Variants in MGME1 observed in about 807,000 individuals in gnomAD.
The protein encoded by MGME1 is chromosome 20 open reading frame 72.
A neutral mutation model predicts 33.0 loss-of-function variants in MGME1; 22 were observed. That is an observed-to-expected ratio of 0.67 (90% CI 0.48 to 0.95). The LOEUF is 0.95. MGME1 is among the 40% of genes least tolerant of loss of function. The pLI is 0.00. For synonymous variants in MGME1, 133 were observed against 144.0 expected (o/e 0.92, Z 0.55); for missense variants, 383 against 397.8 (o/e 0.96, Z 0.32).
At chr20:17,989,037 C>T (rs2036225030) in intron 4 of MGME1, among the ~76,000 whole-genome samples, 1 of 151,640 alleles carries the variant, frequency 6.6e-6, no homozygotes, top group African/African-American at 2.4e-5. Flanking sequence ...TCCAGTGAGC[C>T]GAGATTGTAC....
intron 2 of MGME1, among the ~76,000 whole-genome samples, chr20:17,973,426 T>TTGC (rs1317095823): frequency 5.9e-5 from 9 of 152,142 alleles, no homozygotes; most frequent in African/African-American, 2.2e-4. Flanking sequence ...GGTGGGACGA[T>TTGC]TGCTTGAGGC....
At chr20:17,988,140 A>G (rs776995556) in intron 3 of MGME1, 26 bp from the exon 4 acceptor site, 7 of 1,597,290 alleles carry the variant, frequency 4.4e-6, no homozygotes, top group African/African-American at 2.7e-5. Flanking sequence ...TATTACCTAC[A>G]AAGTCTTCCT....
intron 3 of MGME1, among the ~76,000 whole-genome samples, chr20:17,977,376 A>G (rs2035895347): frequency 6.7e-6 from 1 of 149,102 alleles, no homozygotes; most frequent in African/African-American, 2.4e-5. Context: ...CTCTGTCTCA[A>G]AAAAAAAAAA....
chr20:17,987,577 G>A (rs1201013891), intron 3 of MGME1, among the ~76,000 whole-genome samples: 3 of 151,476 alleles, frequency 2.0e-5, no homozygotes, highest in Non-Finnish European at 4.4e-5. Context: ...TTTCCGATGT[G>A]GCTACTAGAA....
intron 2 of MGME1, among the ~76,000 whole-genome samples, chr20:17,974,499 A>G (rs896479179): frequency 2.0e-5 from 3 of 152,204 alleles, no homozygotes; most frequent in Non-Finnish European, 4.4e-5. Flanking sequence ...TCCAGACACT[A>G]CAGTTCTTTC....
chr20:17,990,141 C>T lies in MGME1; in HGVS notation c.*32C>T. 6.3e-7 allele frequency: 1 copy of T among 1,599,366 alleles called. No homozygotes were observed. The highest frequency in any genetic ancestry group is 8.6e-7 in the Non-Finnish European group (1 of 1,166,708). ...AGTTGCTATTTGGGAACATTCAGCA[C>T]CTTCTCACAGTTTGGGAACATATAT... On this transcript the variant is annotated 3_prime_UTR_variant, in exon 5 of 5. Coordinates refer to ENST00000377710, the MANE Select transcript of MGME1 (RefSeq NM_052865.4).
rs938934137 is a variant in MGME1, at chr20:17,984,423, T to G, written c.732-3743T>G. On this transcript the variant is annotated intron_variant, in intron 3 of 4. Coordinates refer to ENST00000377710, the MANE Select transcript of MGME1 (RefSeq NM_052865.4). ...AAAAACTCCTATCATCTAGTGATGT[T>G]ATGTTATAGTGCAACATACTACTCG... Among the ~76,000 whole-genome samples, 11 of 152,336 alleles carry G rather than the reference T, an allele frequency of 7.2e-5. No individual in the cohort carries two copies. The South Asian group carries it at 2.1e-3, about 29-fold the overall frequency.
chr20:17,975,565 AAAAG>A (rs1436351694), intron 2 of MGME1, 115 bp from the exon 3 acceptor site: 1 of 811,316 alleles, frequency 1.2e-6, no homozygotes. Context: ...AAAAAAAAAA[AAAAG>A]AAAAAAAAAT....
At chr20:17,976,078 T>C (rs2035859812) in intron 3 of MGME1, among the ~76,000 whole-genome samples, 175 bp downstream of exon 3, 1 of 152,144 alleles carries the variant, frequency 6.6e-6, no homozygotes, top group African/African-American at 2.4e-5. Flanking sequence ...CACGTAACCT[T>C]TGTCATCCAG....
intron 4 of MGME1, among the ~76,000 whole-genome samples, chr20:17,988,972 C>G (rs1449571473): frequency 6.6e-6 from 1 of 151,996 alleles, no homozygotes; most frequent in Non-Finnish European, 1.5e-5. Context: ...CACACTTGTG[C>G]CAGCTACTTG....
chr20:17,977,407 A>T (rs1467809045), intron 3 of MGME1, among the ~76,000 whole-genome samples: 1 of 151,864 alleles, frequency 6.6e-6, no homozygotes, highest in African/African-American at 2.4e-5. Context: ...GAAAAGAAAA[A>T]GCATTCAGGA....
At chr20:17,981,243 A>T (rs2036011630) in intron 3 of MGME1, among the ~76,000 whole-genome samples, 1 of 152,332 alleles carries the variant, frequency 6.6e-6, no homozygotes, top group East Asian at 1.9e-4. Flanking sequence ...TGTGACAGTC[A>T]TAATATACAG....
At chr20:17,970,675 TTTTCC>T (rs1438286094) in intron 2 of MGME1, among the ~76,000 whole-genome samples, 4 of 152,228 alleles carry the variant, frequency 2.6e-5, no homozygotes, top group African/African-American at 9.7e-5. Flanking sequence ...GAATTGCTTG[TTTTCC>T]TTGATTATTG....
At chr20:17,980,971 G>A (rs2036001669) in intron 3 of MGME1, among the ~76,000 whole-genome samples, 1 of 151,596 alleles carries the variant, frequency 6.6e-6, no homozygotes, top group South Asian at 2.1e-4. Context: ...TTTTTTTAAA[G>A]AAATATAATA....
chr20:17,988,013 C>T (rs567186337), intron 3 of MGME1, among the ~76,000 whole-genome samples, 153 bp from the exon 4 acceptor site: 77 of 152,126 alleles, frequency 5.1e-4, no homozygotes, highest in Non-Finnish European at 6.8e-4. Context: ...CATATGAAAC[C>T]CCATCTCTTT....
intron 2 of MGME1, among the ~76,000 whole-genome samples, chr20:17,974,786 C>T (rs937512987): frequency 6.6e-6 from 1 of 151,726 alleles, no homozygotes; most frequent in Non-Finnish European, 1.5e-5. Flanking sequence ...CAGGCTGTTC[C>T]AGCACTAAAA....
chr20:17,989,376 A>T (rs1267309207), intron 4 of MGME1, among the ~76,000 whole-genome samples: 2 of 135,076 alleles, frequency 1.5e-5, no homozygotes, highest in Non-Finnish European at 1.5e-5. Flanking sequence ...ACAGAGCAAG[A>T]CTGTCTCTCT....
chr20:17,985,611 C>T (rs768414884), intron 3 of MGME1, among the ~76,000 whole-genome samples: 16 of 152,212 alleles, frequency 1.1e-4, no homozygotes, highest in Non-Finnish European at 1.8e-4. Context: ...ACTCAATCAC[C>T]CAGAGCAACT....
At chr20:17,987,915 T>TG (rs898942130) in intron 3 of MGME1, among the ~76,000 whole-genome samples, 4 of 150,352 alleles carry the variant, frequency 2.7e-5, no homozygotes, top group African/African-American at 7.4e-5. Context: ...GGAGAAAAAG[T>TG]GGGGGGGTGC....
Sources: gnomAD v4.1 joint callset for allele counts (sites outside exome capture counted in the v4.1 genomes callset) on GRCh38, gnomAD v4.1.1 for gene constraint, MANE v1.5 for transcripts, NCBI Gene and HGNC (gene_info 2026-07-23, HGNC 2026-07-21) for gene names.